Variants in LMF1 observed in about 807,000 individuals in gnomAD.
LMF1 encodes lipase maturation factor 1.
Under a neutral mutation model 60.6 loss-of-function variants are expected in LMF1, and 68 were observed. That is an observed-to-expected ratio of 1.12 (90% confidence interval 0.92 to 1.37). LMF1 has a LOEUF of 1.37. Among genes scored for constraint, LMF1 ranks in the 40% most tolerant of loss-of-function variants. The pLI, the probability that LMF1 is intolerant of heterozygous loss-of-function variation, is 0.00. For synonymous variants in LMF1, 418 were observed against 324.7 expected (o/e 1.29, Z -3.09); for missense variants, 948 against 767.2 (o/e 1.24, Z -2.78).
intron 3 of LMF1, among the ~76,000 whole-genome samples, chr16:924,021 G>A (rs757180044): frequency 3.9e-5 from 6 of 152,104 alleles, no homozygotes; most frequent in Non-Finnish European, 8.8e-5. Context: ...GAAAAATGAA[G>A]AGTTATTAGA....
At position 894,643 on chromosome 16, in the gene LMF1, G is replaced by A. The variant is rs143228384; in HGVS notation, c.664-1571C>T. Among the ~76,000 whole-genome samples, 87 of 152,348 alleles carry A rather than the reference G, an allele frequency of 5.7e-4. No homozygotes were observed. The East Asian group carries it at 0.015, about 27-fold the overall frequency. On this transcript the variant is annotated intron_variant, in intron 4 of 10. Transcript: ENST00000262301. ...GGACAGGAATCCATGCTGCAGGTTCGGAGGCGATGGCTGTGGTGGGTGTAG... is the reference window on the plus strand; with the variant it reads ...GGACAGGAATCCATGCTGCAGGTTCAGAGGCGATGGCTGTGGTGGGTGTAG...
rs1567311583 is a variant in LMF1, at chr16:953,914, CACCCCAAACCAGCTTCCTA to C, written c.503+424_503+442del. Among the ~76,000 whole-genome samples the C allele has an allele frequency of 4.2e-4, 32 of 75,652 alleles. 5 individuals are homozygous for C. Among genetic ancestry groups the C allele is most frequent in the African/African-American group, 1.1e-3 (23 of 21,550 alleles). 49.6% of individuals were successfully genotyped at this position (75,652 alleles called of 152,430 possible). A position where few individuals can be genotyped will look rare whatever the true frequency, so the allele number is the denominator to read the frequency against. Reference sequence around the variant, plus strand: ...CCTCCTACACGTCCACACAGACACCCACCCCAAACCAGCTTCCTACACGTCCACACAGACACCCACCCCA... The same window carrying C: ...CCTCCTACACGTCCACACAGACACCCCACGTCCACACAGACACCCACCCCA... On this transcript the variant is annotated intron_variant, in intron 2 of 10. Coordinates refer to ENST00000262301, the MANE Select transcript of LMF1 (RefSeq NM_022773.4).
chr16:927,330 C>T (rs1323932097), intron 3 of LMF1, among the ~76,000 whole-genome samples: 1 of 152,204 alleles, frequency 6.6e-6, no homozygotes, highest in Non-Finnish European at 1.5e-5. Flanking sequence ...TCATTCACGC[C>T]CCAGGTGACA....
chr16:863,803 C>T (rs2069536824), intron 10 of LMF1, among the ~76,000 whole-genome samples: 2 of 152,188 alleles, frequency 1.3e-5, no homozygotes, highest in African/African-American at 4.8e-5. Context: ...CAGCTGATGT[C>T]AGATTATTGA....
intron 2 of LMF1, among the ~76,000 whole-genome samples, chr16:952,371 G>C (rs182613478): frequency 1.3e-5 from 2 of 152,080 alleles, no homozygotes; most frequent in South Asian, 4.1e-4. Context: ...GCAGGGCCTG[G>C]GCTGTGCCAC....
At chr16:957,429 T>C (rs909870960) in intron 1 of LMF1, among the ~76,000 whole-genome samples, 3 of 152,046 alleles carry the variant, frequency 2.0e-5, no homozygotes, top group Non-Finnish European at 1.5e-5. Flanking sequence ...AAAACACTGA[T>C]TAAAAAAATG....
intron 3 of LMF1, chr16:933,713 G>A (rs746506043): frequency 1.6e-5 from 5 of 307,096 alleles, no homozygotes; most frequent in South Asian, 6.2e-5. Context: ...GGAGGCCTCC[G>A]GGCCCAATGG....
At chr16:855,964 T>A (rs1226352545) in intron 10 of LMF1, 1 of 455,770 alleles carries the variant, frequency 2.2e-6, no homozygotes, top group Admixed American at 2.4e-5. Flanking sequence ...GGGTGTGTGA[T>A]GGATGATGAT....
intron 1 of LMF1, among the ~76,000 whole-genome samples, chr16:960,538 G>A (rs200217074): frequency 7.5e-6 from 1 of 132,622 alleles, no homozygotes; most frequent in Non-Finnish European, 1.6e-5. Context: ...GTGACAACAC[G>A]GGATCACGAC....
At chr16:929,468 A>AG (rs1337501686) in intron 3 of LMF1, among the ~76,000 whole-genome samples, 1 of 152,266 alleles carries the variant, frequency 6.6e-6, no homozygotes, top group East Asian at 1.9e-4. Flanking sequence ...CTGGTCCTGG[A>AG]GGGAAAGCAG....
rs901395365 is a variant in LMF1, at chr16:897,233, C to T, written c.664-4161G>A. Among the ~76,000 whole-genome samples, 7 of 152,192 alleles carry T rather than the reference C, an allele frequency of 4.6e-5. No individual in the cohort carries two copies. Among genetic ancestry groups the T allele is most frequent in the Non-Finnish European group, 8.8e-5 (6 of 68,038 alleles). On this transcript the variant is annotated intron_variant, in intron 4 of 10. Coordinates refer to ENST00000262301, the MANE Select transcript of LMF1 (RefSeq NM_022773.4). This position sits in a 1 kb window ranked among gnomAD's most constrained non-coding sequence, Gnocchi z 4.3. Reference sequence around the variant, plus strand: ...TGGAAACTCGAAGTGTCTTGACGGTCGTATGCGGAGAAGGAGACACTCTGT... The same window carrying T: ...TGGAAACTCGAAGTGTCTTGACGGTTGTATGCGGAGAAGGAGACACTCTGT...
chr16:903,615 C>G (rs2070880871), intron 4 of LMF1: 1 of 96,830 alleles, frequency 1.0e-5, no homozygotes, highest in East Asian at 3.5e-4. Context: ...GCATCGCCCA[C>G]AGGACGCCTG....
intron 5 of LMF1, among the ~76,000 whole-genome samples, chr16:883,062 G>C (rs2070210382): frequency 6.9e-6 from 1 of 144,738 alleles, no homozygotes; most frequent in African/African-American, 2.6e-5. Context: ...AGGAGAAAGA[G>C]GAGCCACCCA....
At chr16:928,892 C>G (rs998292779) in intron 3 of LMF1, among the ~76,000 whole-genome samples, 2 of 152,218 alleles carry the variant, frequency 1.3e-5, no homozygotes, top group Non-Finnish European at 2.9e-5. Flanking sequence ...TTTTGGGGGC[C>G]TAAAACACTC....
chr16:940,114 C>G (rs1000348634), intron 2 of LMF1, among the ~76,000 whole-genome samples: 1 of 152,114 alleles, frequency 6.6e-6, no homozygotes, highest in Non-Finnish European at 1.5e-5. Context: ...CCGGAGCCTC[C>G]AGGGGCTGGA....
At chr16:889,565 A>G (rs7185367) in intron 5 of LMF1, among the ~76,000 whole-genome samples, 64,387 of 152,016 alleles carry the variant, frequency 0.42, 15,480 homozygotes, top group African/African-American at 0.65. Context: ...GCTCCTGAAG[A>G]GGCTCAGCGT....
intron 5 of LMF1, among the ~76,000 whole-genome samples, chr16:881,143 C>T (rs758072386): frequency 6.6e-5 from 10 of 152,200 alleles, no homozygotes; most frequent in Admixed American, 1.3e-4. Context: ...TGCTGGGCAG[C>T]GCTTGCTCCG....
chr16:946,998 G>A (rs747680895), intron 2 of LMF1, among the ~76,000 whole-genome samples: 5 of 152,244 alleles, frequency 3.3e-5, no homozygotes, highest in Non-Finnish European at 2.9e-5. Flanking sequence ...TGTTGTTTCA[G>A]AGGTCAGCTC....
At chr16:886,139 G>C (rs1043734866) in intron 5 of LMF1, among the ~76,000 whole-genome samples, 3 of 152,228 alleles carry the variant, frequency 2.0e-5, no homozygotes, top group East Asian at 1.9e-4. Flanking sequence ...CCGTAGGGTA[G>C]TGGGTGATCA....
Sources: gnomAD v4.1 joint callset for allele counts (sites outside exome capture counted in the v4.1 genomes callset) on GRCh38, gnomAD v4.1.1 for gene constraint, Gnocchi (gnomAD v3.1) non-coding constraint, MANE v1.5 for transcripts, NCBI Gene and HGNC (gene_info 2026-07-23, HGNC 2026-07-21) for gene names.